MALRD1: variants seen among roughly 807,000 people sequenced by gnomAD.
MALRD1 encodes the protein MAM and LDL-receptor class A domain-containing protein 1.
MALRD1 carries 247 observed loss-of-function variants against 242.1 expected under a neutral mutation model. That is an observed-to-expected ratio of 1.02 (90% CI 0.92 to 1.13). The LOEUF (loss-of-function observed/expected upper bound fraction) is 1.13. Among genes scored for constraint, MALRD1 ranks in the 50% most tolerant of loss-of-function variants. The pLI, the probability that MALRD1 is intolerant of heterozygous loss-of-function variation, is 0.00. For missense variants in MALRD1, 2,989 were observed against 2,533.1 expected (o/e 1.18, Z -3.86); for synonymous variants, 995 against 866.6 (o/e 1.15, Z -2.60).
chr10:19,162,364 ATTTC>A (rs549697741), intron 12 of MALRD1, among the ~76,000 whole-genome samples: 10 of 152,002 alleles, frequency 6.6e-5, no homozygotes, highest in African/African-American at 2.4e-4. Flanking sequence ...CAGTCTACTC[ATTTC>A]TTTCTTCTTT....
chr10:19,638,075 T>TG (rs1380475639), intron 36 of MALRD1, among the ~76,000 whole-genome samples: 1 of 113,206 alleles, frequency 8.8e-6, no homozygotes, highest in Non-Finnish European at 1.7e-5. Context: ...CACTGTAGCC[T>TG]GGGCAACAAG....
chr10:19,237,868 T>C (rs1253081329), intron 18 of MALRD1, among the ~76,000 whole-genome samples: 1 of 101,994 alleles, frequency 9.8e-6, no homozygotes, highest in African/African-American at 3.4e-5. Flanking sequence ...TATAATTATA[T>C]AGAATTTTAT....
intron 38 of MALRD1, among the ~76,000 whole-genome samples, chr10:19,729,599 GT>G (rs2131936875): frequency 6.6e-6 from 1 of 150,908 alleles, no homozygotes; most frequent in South Asian, 2.1e-4. Flanking sequence ...TTTCGTGTGT[GT>G]GTGTGTGTGT....
intron 33 of MALRD1, among the ~76,000 whole-genome samples, chr10:19,590,853 A>T (rs937077315): frequency 1.1e-4 from 17 of 152,152 alleles, no homozygotes; most frequent in African/African-American, 3.9e-4. Flanking sequence ...CCAGAGTGGA[A>T]CATTTGTTAC....
chr10:19,360,847 T>G (rs1244693035), intron 26 of MALRD1, among the ~76,000 whole-genome samples: 1 of 152,148 alleles, frequency 6.6e-6, no homozygotes, highest in Non-Finnish European at 1.5e-5. Flanking sequence ...ATTATTGTAC[T>G]GCAATATTTG....
intron 22 of MALRD1, among the ~76,000 whole-genome samples, chr10:19,327,083 T>C (rs1843164741): frequency 6.6e-6 from 1 of 152,104 alleles, no homozygotes; most frequent in Non-Finnish European, 1.5e-5. Context: ...AAATAGATGC[T>C]CACTCATCTT....
rs73595827 is a variant in MALRD1 at position 19,528,881 on chromosome 10, A to T, written c.5321-2313A>T. Among the ~76,000 whole-genome samples, 965 of 152,294 alleles carry T rather than the reference A, an allele frequency of 6.3e-3. 8 individuals carry two copies. The highest frequency in any genetic ancestry group is 0.02 in the African/African-American group (811 of 41,560). ...CCCCCAACATTGGACAGCCAGCCAG[A>T]CAGACACAGAGTATCGTAACTTACC... On this transcript the variant is annotated intron_variant, in intron 31 of 39. Coordinates refer to ENST00000454679, the MANE Select transcript of MALRD1 (RefSeq NM_001142308.3).
intron 29 of MALRD1, among the ~76,000 whole-genome samples, chr10:19,464,946 CA>C (rs1468113625): frequency 1.8e-3 from 157 of 88,014 alleles, no homozygotes; most frequent in African/African-American, 6.1e-3. Context: ...GGTATAATTC[CA>C]ATTTTTTTTT....
intron 19 of MALRD1, among the ~76,000 whole-genome samples, chr10:19,270,879 T>G (rs1437739407): frequency 6.6e-6 from 1 of 150,978 alleles, no homozygotes; most frequent in Non-Finnish European, 1.5e-5. Flanking sequence ...CTGCACCAGA[T>G]TCTGCAGTTC....
intron 5 of MALRD1, among the ~76,000 whole-genome samples, chr10:19,107,625 C>T (rs1338240705): frequency 3.3e-5 from 5 of 149,304 alleles, no homozygotes; most frequent in African/African-American, 9.9e-5. Context: ...AATCCATTTA[C>T]ATTTAATGTT....
At chr10:19,136,920 C>G in intron 10 of MALRD1, 139 bp downstream of exon 10, 1 of 511,480 alleles carries the variant, frequency 2.0e-6, no homozygotes, top group Non-Finnish European at 3.0e-6. Flanking sequence ...CGCTCTGAAA[C>G]TATTAGTACT....
intron 28 of MALRD1, among the ~76,000 whole-genome samples, chr10:19,404,827 T>A (rs1847019289): frequency 6.6e-6 from 1 of 152,160 alleles, no homozygotes; most frequent in Non-Finnish European, 1.5e-5. Flanking sequence ...ATCAGAATCA[T>A]TATACATAAC....
chr10:19,370,237 A>T (rs1845316575), intron 26 of MALRD1, among the ~76,000 whole-genome samples: 1 of 152,080 alleles, frequency 6.6e-6, no homozygotes, highest in Non-Finnish European at 1.5e-5. Flanking sequence ...CGATTTTGTG[A>T]CCTATATATT....
intron 28 of MALRD1, among the ~76,000 whole-genome samples, chr10:19,437,176 G>T (rs959268307): frequency 1.3e-5 from 2 of 152,112 alleles, no homozygotes; most frequent in Non-Finnish European, 2.9e-5. Context: ...TTAAATCTTT[G>T]TAGTTAACAG....
intron 5 of MALRD1, among the ~76,000 whole-genome samples, chr10:19,122,069 AG>A (rs1443831333): frequency 6.6e-6 from 1 of 152,210 alleles, no homozygotes; most frequent in East Asian, 1.9e-4. Flanking sequence ...GAGTAAGTGA[AG>A]GGATGTATTT....
chr10:19,588,328 C>T (rs1313774499), intron 33 of MALRD1, among the ~76,000 whole-genome samples: 1 of 152,132 alleles, frequency 6.6e-6, no homozygotes, highest in Non-Finnish European at 1.5e-5. Flanking sequence ...ATTTATTATT[C>T]ATCAATGTCA....
chr10:19,251,716 A>G (rs1251826819), intron 18 of MALRD1, among the ~76,000 whole-genome samples: 1 of 152,032 alleles, frequency 6.6e-6, no homozygotes, highest in African/African-American at 2.4e-5. Context: ...TGGGACATGA[A>G]TTGAAAGAAG....
At chr10:19,365,255 C>T (rs1029788645) in intron 26 of MALRD1, among the ~76,000 whole-genome samples, 1 of 152,098 alleles carries the variant, frequency 6.6e-6, no homozygotes, top group Non-Finnish European at 1.5e-5. Context: ...TTATTTTCTT[C>T]ATTCCTTAAA....
intron 36 of MALRD1, among the ~76,000 whole-genome samples, chr10:19,684,794 A>T (rs1311672139): frequency 6.6e-6 from 1 of 152,170 alleles, no homozygotes; most frequent in African/African-American, 2.4e-5. Context: ...AAAAAGAAAA[A>T]CAAGCCTATG....
Sources: allele counts gnomAD v4.1 joint callset (sites outside exome capture counted in the v4.1 genomes callset), GRCh38; gene constraint gnomAD v4.1.1; transcripts MANE v1.5; gene names NCBI Gene and HGNC (gene_info 2026-07-23, HGNC 2026-07-21).